CCDC152: variants seen among roughly 807,000 people sequenced by gnomAD.
The protein encoded by CCDC152 is coiled-coil domain-containing protein 152.
In CCDC152, 37 loss-of-function variants were observed where a neutral mutation model predicts 38.1. The observed-to-expected ratio is 0.97, with a 90% CI of 0.75 to 1.28. CCDC152 has a LOEUF of 1.28. Ranked by LOEUF, CCDC152 falls within the 50% of genes most tolerant of loss-of-function variation. The pLI, the probability that CCDC152 is intolerant of heterozygous loss-of-function variation, is 0.00. For missense variants in CCDC152, 259 were observed against 292.1 expected (o/e 0.89, Z 0.83); for synonymous variants, 83 against 87.1 (o/e 0.95, Z 0.26).
intron 7 of CCDC152, among the ~76,000 whole-genome samples, chr5:42,797,976 G>A (rs1370989036): frequency 3.3e-5 from 5 of 151,398 alleles, no homozygotes; most frequent in East Asian, 2.0e-4. Flanking sequence ...GGTGAAACCC[G>A]CCTGTACTAA....
intron 3 of CCDC152, among the ~76,000 whole-genome samples, chr5:42,766,374 A>C (rs1759624486): frequency 6.6e-6 from 1 of 152,170 alleles, no homozygotes; most frequent in South Asian, 2.1e-4. Flanking sequence ...TGAAAAAATG[A>C]AAATAGAGCT....
chr5:42,759,060 A>C, intron 1 of CCDC152, 60 bp from the exon 2 acceptor site: 1 of 1,199,478 alleles, frequency 8.3e-7, no homozygotes, highest in South Asian at 1.4e-5. Context: ...TATGAACACT[A>C]TTGTGGTGCT....
At chr5:42,788,165 G>A (rs574092435) in intron 6 of CCDC152, among the ~76,000 whole-genome samples, 4 of 151,342 alleles carry the variant, frequency 2.6e-5, no homozygotes, top group Non-Finnish European at 4.4e-5. Context: ...TACTTATTTG[G>A]AAAAAAACTT....
At chr5:42,768,133 C>A (rs1364405063) in intron 3 of CCDC152, among the ~76,000 whole-genome samples, 1 of 152,160 alleles carries the variant, frequency 6.6e-6, no homozygotes, top group African/African-American at 2.4e-5. Flanking sequence ...TGAAAAAGTA[C>A]ATGAGACTGA....
rs116030830 is a variant in CCDC152 at position 42,783,992 on chromosome 5, T to C, written c.430+416T>C. 9.1e-3 allele frequency among the ~76,000 whole-genome samples: 1,388 copies of C among 152,314 alleles called. 21 individuals carry two copies. Among genetic ancestry groups the C allele is most frequent in the African/African-American group, 0.032 (1,325 of 41,568 alleles). On this transcript the variant is annotated intron_variant, in intron 6 of 8. Coordinates refer to ENST00000361970, the MANE Select transcript of CCDC152 (RefSeq NM_001134848.2). Reference sequence around the variant, plus strand: ...CACATTTTCTTTATCCAATCCATCATTGATGTGCACTTAGGTTAATTTCAT... The same window carrying C: ...CACATTTTCTTTATCCAATCCATCACTGATGTGCACTTAGGTTAATTTCAT...
intron 4 of CCDC152, among the ~76,000 whole-genome samples, chr5:42,771,951 C>T (rs933339362): frequency 6.6e-6 from 1 of 152,152 alleles, no homozygotes; most frequent in African/African-American, 2.4e-5. Flanking sequence ...GACAAAGACA[C>T]TGCAAGGAAA....
At chr5:42,766,993 C>T (rs1430199041) in intron 3 of CCDC152, among the ~76,000 whole-genome samples, 1 of 152,116 alleles carries the variant, frequency 6.6e-6, no homozygotes, top group Non-Finnish European at 1.5e-5. Flanking sequence ...TTTCACATTG[C>T]ATGCCTTTAT....
At chr5:42,761,443 T>A (rs1381518705) in intron 2 of CCDC152, among the ~76,000 whole-genome samples, 1 of 152,002 alleles carries the variant, frequency 6.6e-6, no homozygotes, top group Non-Finnish European at 1.5e-5. Context: ...GGTGAAACCC[T>A]GTCTCTGCTA....
At chr5:42,798,347 A>G (rs958809523) in intron 7 of CCDC152, among the ~76,000 whole-genome samples, 3 of 151,906 alleles carry the variant, frequency 2.0e-5, no homozygotes, top group African/African-American at 4.8e-5. Context: ...ATCACATACT[A>G]CTCATATTCC....
In CCDC152 at chr5:42,802,080, A is replaced by G. The variant is rs1447390409; in HGVS notation, c.*2299A>G. 6.6e-6 allele frequency: 1 copy of G among 152,198 alleles called. No homozygotes were observed. Among genetic ancestry groups the G allele is most frequent in the Non-Finnish European group, 1.5e-5 (1 of 68,028 alleles). The allele number at this position is 152,198 out of a possible 1,614,324, so 9.4% of individuals were successfully genotyped here. On this transcript the variant is annotated 3_prime_UTR_variant, in exon 9 of 9. Transcript: ENST00000361970. ...CTGCTCAAATGTGTTAGTTTTTCAT[A>G]CTTCATCCTATGCCAGGAAATGTTT...
At chr5:42,782,575 G>T (rs954001974) in intron 5 of CCDC152, among the ~76,000 whole-genome samples, 4 of 152,062 alleles carry the variant, frequency 2.6e-5, no homozygotes, top group African/African-American at 7.2e-5. Flanking sequence ...ATTTTAGTTG[G>T]AAAGGAGGAA....
chr5:42,777,492 G>GATA (rs1759784833), intron 4 of CCDC152, among the ~76,000 whole-genome samples: 1 of 150,116 alleles, frequency 6.7e-6, no homozygotes, highest in South Asian at 2.1e-4. Context: ...AGAAGAAGAA[G>GATA]ATAATAAAGG....
intron 4 of CCDC152, among the ~76,000 whole-genome samples, chr5:42,771,654 A>C (rs1759700574): frequency 6.6e-6 from 1 of 152,164 alleles, no homozygotes; most frequent in African/African-American, 2.4e-5. Context: ...ATATGCCACC[A>C]AACTGGATAA....
intron 3 of CCDC152, among the ~76,000 whole-genome samples, chr5:42,766,770 G>C (rs929674485): frequency 6.6e-6 from 1 of 152,078 alleles, no homozygotes; most frequent in African/African-American, 2.4e-5. Flanking sequence ...GAAGGGTAGT[G>C]GGGGGCTGGA....
intron 6 of CCDC152, among the ~76,000 whole-genome samples, chr5:42,795,238 G>A (rs1357660293): frequency 6.6e-6 from 1 of 152,138 alleles, no homozygotes; most frequent in Non-Finnish European, 1.5e-5. Context: ...TAGCCAACAT[G>A]AAGCTGGCAT....
intron 2 of CCDC152, among the ~76,000 whole-genome samples, chr5:42,762,119 T>C (rs1445171887): frequency 1.3e-5 from 2 of 152,226 alleles, no homozygotes; most frequent in African/African-American, 4.8e-5. Context: ...CATGTTACTA[T>C]ACTGAATGTT....
chr5:42,790,749 C>T (rs1759987997), intron 6 of CCDC152, among the ~76,000 whole-genome samples: 1 of 152,076 alleles, frequency 6.6e-6, no homozygotes. Flanking sequence ...CCAAATTTGC[C>T]CATTAAATAA....
rs377490572 is a variant in CCDC152 at position 42,761,056 on chromosome 5, T to C, written c.88-1387T>C. 1.4e-4 allele frequency among the ~76,000 whole-genome samples: 22 copies of C among 152,280 alleles called. No individual in the cohort carries two copies. In the East Asian group the frequency reaches 2.9e-3, roughly 20 times the overall value. Reference sequence around the variant, plus strand: ...AATAACATAATGTCAGAGAGTTGCTTTGAGATCAATTCAAAAGTGGTGAGA... The same window carrying C: ...AATAACATAATGTCAGAGAGTTGCTCTGAGATCAATTCAAAAGTGGTGAGA... On this transcript the variant is annotated intron_variant, in intron 2 of 8. Transcript: ENST00000361970.
In CCDC152 at chr5:42,783,531, T is replaced by C; in HGVS notation, c.385T>C (p.Tyr129His). 4 of 1,391,578 alleles carry C rather than the reference T, an allele frequency of 2.9e-6. No homozygotes were observed. The highest frequency in any genetic ancestry group is 3.8e-6 in the Non-Finnish European group (4 of 1,061,040). 86.2% of individuals were successfully genotyped at this position (1,391,578 alleles called of 1,614,324 possible). Residue 129 changes from tyrosine to histidine, a missense_variant, in exon 6 of 9, where the codon TAT (tyrosine) becomes CAT (histidine). Coordinates refer to ENST00000361970, the MANE Select transcript of CCDC152 (RefSeq NM_001134848.2). ...TGAAATGAAAATCAAAGAGGAGGGA[T>C]ATAAGAAAGAAATAAGCAAACTTTA... ...VSEMKIKEEG[Y>H]KKEISKLYQD...
Sources: allele counts gnomAD v4.1 joint callset (sites outside exome capture counted in the v4.1 genomes callset), GRCh38; gene constraint gnomAD v4.1.1; transcripts MANE v1.5; gene names NCBI Gene and HGNC (gene_info 2026-07-23, HGNC 2026-07-21).